TYRO3: variants seen among roughly 807,000 people sequenced by gnomAD.
TYRO3 encodes TYRO3 protein tyrosine kinase.
Under a neutral mutation model 95.2 loss-of-function variants are expected in TYRO3, and 38 were observed. The ratio of observed to expected loss-of-function variants is 0.40; its 90% CI spans 0.31 to 0.52. The LOEUF (loss-of-function observed/expected upper bound fraction) is 0.52, where lower values mean the gene tolerates loss of function less well. TYRO3 is among the 20% of genes least tolerant of loss of function. The pLI, the probability that TYRO3 is intolerant of heterozygous loss-of-function variation, is 0.56. For synonymous variants in TYRO3, 367 were observed against 432.9 expected (o/e 0.85, Z 1.89); for missense variants, 812 against 1,116.4 (o/e 0.73, Z 3.89).
At chr15:41,566,207 G>T (rs1744719430) in intron 6 of TYRO3, among the ~76,000 whole-genome samples, 1 of 151,436 alleles carries the variant, frequency 6.6e-6, no homozygotes, top group African/African-American at 2.4e-5. Context: ...TAACTATTCA[G>T]GAGGCTAGAG....
At chr15:41,560,437 G>A (rs1197517816) in intron 1 of TYRO3, among the ~76,000 whole-genome samples, 3 of 150,382 alleles carry the variant, frequency 2.0e-5, no homozygotes, top group South Asian at 2.1e-4. Flanking sequence ...GTGCGCGCGC[G>A]CGCGCGCGCT....
chr15:41,572,993 G>A lies in TYRO3; in HGVS notation c.1876-9G>A. 5.3e-6 allele frequency: 5 copies of A among 937,830 alleles called. No homozygotes were observed. Among genetic ancestry groups the A allele is most frequent in the Non-Finnish European group, 8.0e-6 (5 of 621,160 alleles). 58.1% of individuals were successfully genotyped at this position (937,830 alleles called of 1,614,324 possible). A position where few individuals can be genotyped will look rare whatever the true frequency, so the allele number is the denominator to read the frequency against. On this transcript the variant is annotated splice_polypyrimidine_tract_variant and intron_variant, in intron 15 of 18. Transcript: ENST00000263798. The stretch of plus-strand genomic sequence containing the variant: ...GGTTAAGCCTGAGCTTGGCCTGTCT[G>A]TCCACTAGAACCTACCCCTCCAGAC...
rs935033007 is a variant in TYRO3, at chr15:41,582,941, G to A, written c.*4665G>A. 2 of 146,862 alleles carry A rather than the reference G, an allele frequency of 1.4e-5. No homozygotes were observed. The highest frequency in any genetic ancestry group is 6.9e-5 in the Admixed American group (1 of 14,494). The allele number at this position is 146,862 out of a possible 1,614,324, so 9.1% of individuals were successfully genotyped here. On this transcript the variant is annotated 3_prime_UTR_variant, in exon 19 of 19. Coordinates refer to ENST00000263798, the MANE Select transcript of TYRO3 (RefSeq NM_006293.4). Reference sequence around the variant, plus strand: ...AGTAAACTGATTCTCCCACCTCAGCGTCCTGAATAGCTGGGACCACAGGCA... The same window carrying A: ...AGTAAACTGATTCTCCCACCTCAGCATCCTGAATAGCTGGGACCACAGGCA...
Position 41,578,073 on chromosome 15 carries a change from A to C in TYRO3, c.2470A>C (p.Arg824=). 6.2e-7 allele frequency: 1 copy of C among 1,614,100 alleles called. No individual in the cohort carries two copies. Among genetic ancestry groups the C allele is most frequent in the Admixed American group, 1.7e-5 (1 of 60,020 alleles). ...GGGAGGCAGCCTGGAGCTACCTGGC[A>C]GGGATCAGCCCTACAGTGGGGCTGG... The part of the protein sequence containing the change: ...TAGGSLELPG[R]DQPYSGAGDG... Residue 824 remains arginine (R), a synonymous_variant, in exon 19 of 19, where the codon AGG becomes CGG. Transcript: ENST00000263798.
Position 41,583,512 on chromosome 15 carries a change from AC to A in TYRO3, c.*5237del, listed in dbSNP as rs1370174825. ...CTCCCATATCTATTTTGGTTGCTAGACTGTTCATCCCAATTACATGTGCCAG... is the reference window on the plus strand; with the variant it reads ...CTCCCATATCTATTTTGGTTGCTAGATGTTCATCCCAATTACATGTGCCAG... On this transcript the variant is annotated 3_prime_UTR_variant, in exon 19 of 19. Coordinates refer to ENST00000263798, the MANE Select transcript of TYRO3 (RefSeq NM_006293.4). The A allele has an allele frequency of 6.6e-6, 1 of 152,182 alleles. No homozygotes were observed. Among genetic ancestry groups the A allele is most frequent in the East Asian group, 1.9e-4 (1 of 5,188 alleles). 9.4% of individuals were successfully genotyped at this position (152,182 alleles called of 1,614,324 possible).
chr15:41,577,310 TTTAA>T (rs1263513793), intron 18 of TYRO3: 3 of 152,060 alleles, frequency 2.0e-5, no homozygotes, highest in Admixed American at 1.3e-4. Flanking sequence ...ATTTATTTAA[TTTAA>T]TTAATTTATT....
At chr15:41,565,582 C>CTTTTTTTTTTTTTTTTTT (rs71104798) in intron 6 of TYRO3, among the ~76,000 whole-genome samples, 1 of 133,302 alleles carries the variant, frequency 7.5e-6, no homozygotes. Context: ...GCCCAGCTAA[C>CTTTTTTTTTTTTTTTTTT]TTTTTTTTTT....
intron 1 of TYRO3, among the ~76,000 whole-genome samples, chr15:41,560,019 C>T (rs1223288676): frequency 6.6e-6 from 1 of 152,206 alleles, no homozygotes; most frequent in African/African-American, 2.4e-5. Context: ...CGGTGCTCTC[C>T]AAGTTCCCAC....
At position 41,570,063 on chromosome 15, in the gene TYRO3, T is replaced by G. The variant is rs745614743; in HGVS notation, c.1289T>G (p.Val430Gly). Residue 430 changes from valine (V) to glycine (G), a missense_variant, in exon 10 of 19, where the codon GTA becomes GGA. Coordinates refer to ENST00000263798, the MANE Select transcript of TYRO3 (RefSeq NM_006293.4). ...QGPPHSRTSWVPVVLGVLTAL... is the reference protein window; with the variant it reads ...QGPPHSRTSWGPVVLGVLTAL... ...CCTCCTCACAGCCGCACATCCTGGG[T>G]ACCTGTGGTCCTTGGTGTGCTAACG... is the stretch of plus-strand genomic sequence containing the variant. 3.7e-5 allele frequency: 59 copies of G among 1,613,800 alleles called. No homozygotes were observed. Among genetic ancestry groups the G allele is most frequent in the Non-Finnish European group, 4.7e-5 (55 of 1,180,044 alleles).
At chr15:41,568,020 G>T (rs2055745888) in intron 7 of TYRO3, among the ~76,000 whole-genome samples, 197 bp from the exon 8 acceptor site, 1 of 152,276 alleles carries the variant, frequency 6.6e-6, no homozygotes, top group South Asian at 2.1e-4. Context: ...GCCGAGCTGG[G>T]GTGCTGCCTG....
rs755257714 is a variant in TYRO3, at chr15:41,580,083, T to C, written c.*1807T>C. ...CAGCTGTTACCTTTAAATGATGGGG[T>C]TAAGGGGACGTTCTTCTTTGTGCTT... On this transcript the variant is annotated 3_prime_UTR_variant, in exon 19 of 19. Transcript: ENST00000263798. 5 of 150,242 alleles carry C rather than the reference T, an allele frequency of 3.3e-5. No individual in the cohort carries two copies. Among genetic ancestry groups the C allele is most frequent in the Non-Finnish European group, 7.4e-5 (5 of 67,624 alleles). 9.3% of individuals were successfully genotyped at this position (150,242 alleles called of 1,614,324 possible).
At chr15:41,576,471 G>A (rs1040611751) in intron 18 of TYRO3, among the ~76,000 whole-genome samples, 5 of 151,942 alleles carry the variant, frequency 3.3e-5, no homozygotes, top group Non-Finnish European at 7.4e-5. Flanking sequence ...GGGATGACAG[G>A]TGTGTGCCAC....
Position 41,581,407 on chromosome 15 carries a change from A to G in TYRO3, c.*3131A>G, listed in dbSNP as rs2055921982. 1 of 153,256 alleles carries G rather than the reference A, an allele frequency of 6.5e-6. No homozygotes were observed. Among genetic ancestry groups the G allele is most frequent in the African/African-American group, 2.4e-5 (1 of 41,436 alleles). 9.5% of individuals were successfully genotyped at this position (153,256 alleles called of 1,614,324 possible). ...GCTGGTACTCCAAATTCTGGTTCCCATGTAGATCATGAAACCTGAAAAACT... is the reference window on the plus strand; with the variant it reads ...GCTGGTACTCCAAATTCTGGTTCCCGTGTAGATCATGAAACCTGAAAAACT... On this transcript the variant is annotated 3_prime_UTR_variant, in exon 19 of 19. Coordinates refer to ENST00000263798, the MANE Select transcript of TYRO3 (RefSeq NM_006293.4).
At chr15:41,567,008 G>T (rs781495003) in intron 6 of TYRO3, among the ~76,000 whole-genome samples, 4 of 152,192 alleles carry the variant, frequency 2.6e-5, no homozygotes, top group Admixed American at 2.6e-4. Context: ...AACAGGCACA[G>T]TAAGTGGTAA....
chr15:41,564,333 G>A (rs1434561254), intron 5 of TYRO3, 63 bp downstream of exon 5: 2 of 1,521,198 alleles, frequency 1.3e-6, no homozygotes, highest in Non-Finnish European at 1.8e-6. Flanking sequence ...GAGCTGTCCA[G>A]CAGTTAGAAT....
chr15:41,564,060 A>T, intron 4 of TYRO3, 124 bp from the exon 5 acceptor site: 1 of 891,284 alleles, frequency 1.1e-6, no homozygotes, highest in Non-Finnish European at 1.8e-6. Flanking sequence ...CTCACTGCCC[A>T]GCCCCTTCCT....
At position 41,560,428 on chromosome 15, in the gene TYRO3, T is replaced by TGTGTGTGTGCGCGC. The variant is rs1408766845; in HGVS notation, c.125-698_125-697insTGTGTGTGCGCGCG. Among the ~76,000 whole-genome samples, 147 of 135,302 alleles carry TGTGTGTGTGCGCGC rather than the reference T, an allele frequency of 1.1e-3. 1 individual carries two copies. The highest frequency in any genetic ancestry group is 1.7e-3 in the Non-Finnish European group (107 of 63,880). 88.8% of individuals were successfully genotyped at this position (135,302 alleles called of 152,430 possible). A position where few individuals can be genotyped will look rare whatever the true frequency, so the allele number is the denominator to read the frequency against. On this transcript the variant is annotated intron_variant, in intron 1 of 18. Coordinates refer to ENST00000263798, the MANE Select transcript of TYRO3 (RefSeq NM_006293.4). ...GTGTGTGTGTGTGTGTGTGTGTGTG[T>TGTGTGTGTGCGCGC]GCGCGCGCGCGCGCGCGCTCGCACG... is the stretch of plus-strand genomic sequence containing the variant.
At chr15:41,571,736 G>A in intron 14 of TYRO3, 49 bp downstream of exon 14, 1 of 922,994 alleles carries the variant, frequency 1.1e-6, no homozygotes, top group Non-Finnish European at 1.7e-6. Flanking sequence ...CTAAAAATAT[G>A]CTCTACCAAT....
intron 18 of TYRO3, among the ~76,000 whole-genome samples, chr15:41,575,186 A>T (rs919754810): frequency 6.6e-6 from 1 of 152,240 alleles, no homozygotes; most frequent in Non-Finnish European, 1.5e-5. Flanking sequence ...GTGGGTTTGA[A>T]GTGCCCTGAG....
Sources: allele counts gnomAD v4.1 joint callset (sites outside exome capture counted in the v4.1 genomes callset), GRCh38; gene constraint gnomAD v4.1.1; transcripts MANE v1.5; gene names NCBI Gene and HGNC (gene_info 2026-07-23, HGNC 2026-07-21).